Variants in RAB28 observed in about 807,000 individuals in gnomAD.
RAB28 encodes ras-related protein Rab-28.
Under a neutral mutation model 31.7 loss-of-function variants are expected in RAB28, and 24 were observed. That is an observed-to-expected ratio of 0.76 (90% CI 0.55 to 1.06). The LOEUF (loss-of-function observed/expected upper bound fraction) is 1.06. Among genes scored for constraint, RAB28 ranks in the 50% least tolerant of loss-of-function variants. The pLI is 0.00. For missense variants in RAB28, 254 were observed against 258.5 expected (o/e 0.98, Z 0.12); for synonymous variants, 100 against 90.4 (o/e 1.11, Z -0.60).
At chr4:13,406,321 G>A (rs1240803815) in intron 4 of RAB28, among the ~76,000 whole-genome samples, 1 of 152,164 alleles carries the variant, frequency 6.6e-6, no homozygotes, top group African/African-American at 2.4e-5. Flanking sequence ...TCCCTGCAAA[G>A]GACATGAGCT....
intron 3 of RAB28, among the ~76,000 whole-genome samples, chr4:13,464,900 T>C (rs903131666): frequency 2.6e-5 from 4 of 152,060 alleles, no homozygotes; most frequent in African/African-American, 9.7e-5. Flanking sequence ...ATGACTAATA[T>C]GTTGAGGGTT....
rs977665260 is a variant in RAB28, at chr4:13,370,530, A to G, written c.574-1880T>C. The G allele has an allele frequency of 1.4e-5, 12 of 856,886 alleles. No individual in the cohort carries two copies. In the Admixed American group the frequency reaches 4.4e-4, roughly 31 times the overall value. 53.1% of individuals were successfully genotyped at this position (856,886 alleles called of 1,614,324 possible). On this transcript the variant is annotated intron_variant, in intron 6 of 6. Coordinates refer to ENST00000330852, the MANE Select transcript of RAB28 (RefSeq NM_001017979.3). ...TGCCATACAAGTTAAACACTTAACT[A>G]GTGGACTTATAATATGCTGTGGGAA... is the stretch of plus-strand genomic sequence containing the variant.
chr4:13,372,866 C>G (rs1346403241), intron 6 of RAB28, among the ~76,000 whole-genome samples: 1 of 152,136 alleles, frequency 6.6e-6, no homozygotes, highest in South Asian at 2.1e-4. Context: ...ATGTCTATTA[C>G]ATGCCAAGCC....
intron 4 of RAB28, among the ~76,000 whole-genome samples, chr4:13,453,662 C>T (rs1715096096): frequency 6.6e-6 from 1 of 151,702 alleles, no homozygotes; most frequent in African/African-American, 2.4e-5. Context: ...TAATTCCATT[C>T]TATCCTGGCC....
intron 4 of RAB28, among the ~76,000 whole-genome samples, chr4:13,448,798 A>G (rs1714826192): frequency 6.6e-6 from 1 of 152,072 alleles, no homozygotes; most frequent in Non-Finnish European, 1.5e-5. Context: ...TTAAGTATAT[A>G]TAACAAAATA....
chr4:13,385,436 T>A (rs540266171), intron 4 of RAB28, among the ~76,000 whole-genome samples: 18 of 152,134 alleles, frequency 1.2e-4, no homozygotes, highest in African/African-American at 4.3e-4. Context: ...AGGAAAAATG[T>A]TAAAAGCAGC....
chr4:13,465,343 T>C lies in RAB28; in HGVS notation c.262-4515A>G, dbSNP rs147817824. Among the ~76,000 whole-genome samples the C allele has an allele frequency of 3.3e-5, 5 of 150,636 alleles. No individual in the cohort carries two copies. The East Asian group carries it at 5.8e-4, about 18-fold the overall frequency. ...ACCAAAAACTCTATACCTAGGCATATATTCAAATTGCTCAAAAGAAAAAAA... is the reference window on the plus strand; with the variant it reads ...ACCAAAAACTCTATACCTAGGCATACATTCAAATTGCTCAAAAGAAAAAAA... On this transcript the variant is annotated intron_variant, in intron 3 of 6. Coordinates refer to ENST00000330852, the MANE Select transcript of RAB28 (RefSeq NM_001017979.3).
intron 6 of RAB28, chr4:13,371,987 A>G: frequency 1.1e-6 from 1 of 936,414 alleles, no homozygotes; most frequent in Non-Finnish European, 1.7e-6. Context: ...GCAAGAAAGC[A>G]ACCTATGGGT....
At chr4:13,439,720 T>C (rs1474828582) in intron 4 of RAB28, among the ~76,000 whole-genome samples, 1 of 152,182 alleles carries the variant, frequency 6.6e-6, no homozygotes, top group Non-Finnish European at 1.5e-5. Flanking sequence ...CTTTGATCCA[T>C]TTTTTGTTGT....
At chr4:13,448,408 C>A (rs1430353656) in intron 4 of RAB28, among the ~76,000 whole-genome samples, 2 of 151,896 alleles carry the variant, frequency 1.3e-5, no homozygotes, top group African/African-American at 2.4e-5. Flanking sequence ...ATCATATAAA[C>A]AAATTGTTAT....
intron 6 of RAB28, among the ~76,000 whole-genome samples, chr4:13,376,052 A>T (rs1227875255): frequency 5.3e-5 from 8 of 152,102 alleles, no homozygotes; most frequent in African/African-American, 1.2e-4. Context: ...GGTACTTTAA[A>T]TTTCTTGGCT....
In RAB28 at chr4:13,387,655, A is replaced by G. The variant is rs372992268; in HGVS notation, c.392-6061T>C. On this transcript the variant is annotated intron_variant, in intron 4 of 6. Transcript: ENST00000330852. ...AACATGACATCTTTTGGTATTTGCT[A>G]GATTCTCCTTCAACAATGAAATCTG... 4.6e-5 allele frequency among the ~76,000 whole-genome samples: 7 copies of G among 152,068 alleles called. No homozygotes were observed. The East Asian group carries it at 1.3e-3, about 29-fold the overall frequency.
intron 4 of RAB28, among the ~76,000 whole-genome samples, chr4:13,393,161 ATAACAGGAG>A (rs1729720992): frequency 2.0e-5 from 3 of 152,252 alleles, no homozygotes; most frequent in Admixed American, 2.0e-4. Context: ...AAGACAATCT[ATAACAGGAG>A]TACAGAGACA....
intron 3 of RAB28, among the ~76,000 whole-genome samples, chr4:13,466,967 C>T (rs1471805344): frequency 6.6e-6 from 1 of 151,456 alleles, no homozygotes; most frequent in East Asian, 1.9e-4. Flanking sequence ...TATGTGAAAT[C>T]TGAAGTAATC....
intron 4 of RAB28, among the ~76,000 whole-genome samples, chr4:13,418,017 C>T (rs1056142096): frequency 6.6e-6 from 1 of 152,092 alleles, no homozygotes; most frequent in African/African-American, 2.4e-5. Flanking sequence ...AGATTATAGA[C>T]GAATGGCTAA....
intron 4 of RAB28, among the ~76,000 whole-genome samples, chr4:13,388,816 A>C (rs1729498873): frequency 6.6e-6 from 1 of 152,046 alleles, no homozygotes; most frequent in Non-Finnish European, 1.5e-5. Flanking sequence ...GATGAAAAAG[A>C]TGTAGAGAAA....
chr4:13,459,689 A>G, intron 4 of RAB28: 1 of 914,128 alleles, frequency 1.1e-6, no homozygotes. Context: ...TCTCAAAAAA[A>G]AAAAATTATA....
chr4:13,453,997 C>A (rs1022901366), intron 4 of RAB28, among the ~76,000 whole-genome samples: 2 of 151,972 alleles, frequency 1.3e-5, no homozygotes, highest in Non-Finnish European at 2.9e-5. Flanking sequence ...TATTTTTTGC[C>A]ACAATAATCC....
At chr4:13,440,903 C>T (rs142626309) in intron 4 of RAB28, among the ~76,000 whole-genome samples, 190 of 151,920 alleles carry the variant, frequency 1.3e-3, no homozygotes, top group African/African-American at 4.4e-3. Context: ...CAGCTACGTA[C>T]ATGCCACTGA....
Sources: allele counts gnomAD v4.1 joint callset (sites outside exome capture counted in the v4.1 genomes callset), GRCh38; gene constraint gnomAD v4.1.1; transcripts MANE v1.5; gene names NCBI Gene and HGNC (gene_info 2026-07-23, HGNC 2026-07-21).